Variants in NELL1 observed in about 807,000 individuals in gnomAD.
NELL1 encodes protein kinase C-binding protein NELL1.
Under a neutral mutation model 107.4 loss-of-function variants are expected in NELL1, and 76 were observed. That is an observed-to-expected ratio of 0.71 (90% CI 0.59 to 0.86). The LOEUF (loss-of-function observed/expected upper bound fraction) is 0.86. Among genes scored for constraint, NELL1 ranks in the 40% least tolerant of loss-of-function variants. The pLI, the probability that NELL1 is intolerant of heterozygous loss-of-function variation, is 0.00. For missense variants in NELL1, 1,024 were observed against 1,005.5 expected, an observed-to-expected ratio of 1.02 and a Z score of -0.25; for synonymous variants, 353 against 341.2, an observed-to-expected ratio of 1.03 and a Z score of -0.38.
chr11:20,808,452 G>A (rs1328056207), intron 3 of NELL1, among the ~76,000 whole-genome samples: 1 of 152,162 alleles, frequency 6.6e-6, no homozygotes, highest in East Asian at 1.9e-4. Flanking sequence ...GTCTTTCTTG[G>A]AGCTGTGAGC....
At chr11:20,812,768 G>A (rs948906135) in intron 3 of NELL1, among the ~76,000 whole-genome samples, 8 of 151,928 alleles carry the variant, frequency 5.3e-5, no homozygotes, top group Admixed American at 1.3e-4. Flanking sequence ...CAGCACTTTG[G>A]GAGGCCGAGG....
intron 5 of NELL1, among the ~76,000 whole-genome samples, chr11:20,901,691 G>C (rs1325841775): frequency 1.3e-5 from 2 of 151,926 alleles, no homozygotes; most frequent in Non-Finnish European, 2.9e-5. Flanking sequence ...AGATGTGAAG[G>C]CTTATTGTAA....
chr11:20,832,721 A>C (rs7933327), intron 3 of NELL1, among the ~76,000 whole-genome samples: 28,287 of 152,150 alleles, frequency 0.19, 3,961 homozygotes, highest in African/African-American at 0.35. Context: ...TAATGATGAC[A>C]ATAATAATAG....
At chr11:21,447,910 T>G (rs1025938695) in intron 15 of NELL1, among the ~76,000 whole-genome samples, 3 of 152,172 alleles carry the variant, frequency 2.0e-5, no homozygotes, top group African/African-American at 4.8e-5. Context: ...TTCTGACCAC[T>G]GCAATGAGCA....
At chr11:21,530,952 C>T (rs936608770) in intron 15 of NELL1, among the ~76,000 whole-genome samples, 2 of 152,058 alleles carry the variant, frequency 1.3e-5, no homozygotes, top group African/African-American at 2.4e-5. Flanking sequence ...TTGGTACTCC[C>T]ACTTCCAGGT....
chr11:21,237,603 A>G (rs1258393771), intron 14 of NELL1, among the ~76,000 whole-genome samples: 3 of 152,068 alleles, frequency 2.0e-5, no homozygotes, highest in Admixed American at 2.0e-4. Context: ...ACAAATATTG[A>G]TTGTGTACTT....
intron 13 of NELL1, among the ~76,000 whole-genome samples, chr11:21,207,855 A>T (rs1857421623): frequency 6.6e-6 from 1 of 152,136 alleles, no homozygotes; most frequent in Non-Finnish European, 1.5e-5. Context: ...TGTCTTTTCC[A>T]TTCAGTCTTA....
rs77496432 is a variant in NELL1 at position 21,045,847 on chromosome 11, C to T, written c.1301-67742C>T. Among the ~76,000 whole-genome samples the T allele has an allele frequency of 7.0e-4, 107 of 152,246 alleles. No individual in the cohort carries two copies. The East Asian group carries it at 0.016, about 23-fold the overall frequency. ...TAGTTTAGTCATAAATGCCTTTCCA[C>T]GTATTCAAATACTCTTGAGTCTCTA... On this transcript the variant is annotated intron_variant, in intron 12 of 19. Coordinates refer to ENST00000357134, the MANE Select transcript of NELL1 (RefSeq NM_006157.5).
intron 12 of NELL1, among the ~76,000 whole-genome samples, chr11:21,056,760 A>G (rs1853625167): frequency 6.6e-6 from 1 of 152,136 alleles, no homozygotes; most frequent in South Asian, 2.1e-4. Flanking sequence ...AAACTTCCAT[A>G]TTTGCCAATT....
chr11:20,928,900 C>A (rs956631093), intron 9 of NELL1, among the ~76,000 whole-genome samples: 3 of 152,156 alleles, frequency 2.0e-5, no homozygotes, highest in Non-Finnish European at 4.4e-5. Flanking sequence ...GCTAGATTCT[C>A]CTCTTATTAA....
intron 12 of NELL1, among the ~76,000 whole-genome samples, chr11:21,071,675 C>A (rs553531142): frequency 5.5e-4 from 84 of 152,282 alleles, no homozygotes; most frequent in African/African-American, 1.9e-3. Flanking sequence ...CCCTCTCTTG[C>A]AAGCTGTGTT....
chr11:20,885,606 A>C lies in NELL1; in HGVS notation c.603+66A>C, dbSNP rs558338168. 2.1e-5 allele frequency: 21 copies of C among 990,712 alleles called. No homozygotes were observed. The African/African-American group carries it at 2.6e-4, about 12-fold the overall frequency. 61.4% of individuals were successfully genotyped at this position (990,712 alleles called of 1,614,324 possible). A position where few individuals can be genotyped will look rare whatever the true frequency, so the allele number is the denominator to read the frequency against. On this transcript the variant is annotated intron_variant, in intron 5 of 19. Transcript: ENST00000357134. ...CGATGCTCAGTTTTCTGTGTTATTT[A>C]TTGGAGCCGTGTTTATAATTACATT...
At chr11:21,326,076 T>G (rs1850129704) in intron 14 of NELL1, among the ~76,000 whole-genome samples, 8 of 103,476 alleles carry the variant, frequency 7.7e-5, no homozygotes, top group Admixed American at 9.4e-5. Context: ...TTTTTTTTTT[T>G]TTTTTGGGCT....
chr11:20,806,099 G>A (rs1394095656), intron 3 of NELL1, among the ~76,000 whole-genome samples: 2 of 149,252 alleles, frequency 1.3e-5, no homozygotes, highest in African/African-American at 2.5e-5. Flanking sequence ...TGTACCTTCA[G>A]TGATTACTTA....
chr11:21,357,416 A>T (rs984503476), intron 14 of NELL1, among the ~76,000 whole-genome samples: 1 of 152,100 alleles, frequency 6.6e-6, no homozygotes, highest in Non-Finnish European at 1.5e-5. Context: ...GATGTTGAGA[A>T]TTTTTTTGTA....
At chr11:21,556,764 T>C (rs1391240591) in intron 16 of NELL1, among the ~76,000 whole-genome samples, 1 of 151,950 alleles carries the variant, frequency 6.6e-6, no homozygotes, top group South Asian at 2.1e-4. Flanking sequence ...TGAAAAAATA[T>C]TTCATTCGAG....
At chr11:21,314,140 C>T (rs548654709) in intron 14 of NELL1, among the ~76,000 whole-genome samples, 13 of 152,020 alleles carry the variant, frequency 8.6e-5, no homozygotes, top group African/African-American at 1.4e-4. Flanking sequence ...CCTGCAGAAC[C>T]GAGACCCAGT....
At chr11:21,539,214 T>C (rs1056786515) in intron 16 of NELL1, among the ~76,000 whole-genome samples, 6 of 152,096 alleles carry the variant, frequency 3.9e-5, no homozygotes, top group Non-Finnish European at 8.8e-5. Context: ...AGTATACAGA[T>C]GTGCAGGAGC....
intron 2 of NELL1, 116 bp downstream of exon 2, chr11:20,678,176 G>A: frequency 8.3e-7 from 1 of 1,198,582 alleles, no homozygotes; most frequent in Non-Finnish European, 1.2e-6. Context: ...CTCTTGTGTT[G>A]CTGTCTTGAG....
Sources: gnomAD v4.1 joint callset for allele counts (sites outside exome capture counted in the v4.1 genomes callset) on GRCh38, gnomAD v4.1.1 for gene constraint, MANE v1.5 for transcripts, NCBI Gene and HGNC (gene_info 2026-07-23, HGNC 2026-07-21) for gene names.